Variants in TENM4 observed in about 807,000 individuals in gnomAD.
The protein encoded by TENM4 is teneurin-4.
A neutral mutation model predicts 243.3 loss-of-function variants in TENM4; 82 were observed. That is an observed-to-expected ratio of 0.34 (90% CI 0.28 to 0.40). The LOEUF (loss-of-function observed/expected upper bound fraction) is 0.40, where lower values mean the gene tolerates loss of function less well. TENM4 is among the 10% of genes least tolerant of loss of function. The pLI is 1.00. For synonymous variants in TENM4, 1,412 were observed against 1,456.3 expected, an observed-to-expected ratio of 0.97 and a Z score of 0.69; for missense variants, 3,138 against 3,673.3, an observed-to-expected ratio of 0.85 and a Z score of 3.77.
chr11:78,704,157 G>GTGTATA lies in TENM4; in HGVS notation c.4210-1755_4210-1754insTATACA, dbSNP rs1201390547. Among the ~76,000 whole-genome samples, 20 of 70,514 alleles carry GTGTATA rather than the reference G, an allele frequency of 2.8e-4. 1 individual carries two copies. The highest frequency in any genetic ancestry group is 1.2e-3 in the African/African-American group (20 of 16,678). 46.3% of individuals were successfully genotyped at this position (70,514 alleles called of 152,430 possible). ...TGTATGTCTATGTGTATGTATGTGT[G>GTGTATA]TCTATATATATATATATATATATAT... On this transcript the variant is annotated intron_variant, in intron 27 of 33. Transcript: ENST00000278550.
intron 31 of TENM4, among the ~76,000 whole-genome samples, chr11:78,671,272 G>A (rs1400873421): frequency 7.7e-6 from 1 of 130,124 alleles, no homozygotes; most frequent in African/African-American, 3.3e-5. Context: ...CAGTATGTTG[G>A]ATGACCTCCA....
At chr11:79,102,200 T>C (rs550006841) in intron 4 of TENM4, among the ~76,000 whole-genome samples, 2 of 152,242 alleles carry the variant, frequency 1.3e-5, no homozygotes, top group Non-Finnish European at 2.9e-5. Context: ...CAGTTATCAA[T>C]GTTAGTACAA....
In TENM4 at chr11:78,674,022, CAAT is replaced by C. The variant is rs537827955; in HGVS notation, c.5497-1696_5497-1694del. ...GAAGATACAGGGGCTGTGCCACCAACAATGACAGAGGCCTTTTTAAAGTATCTT... is the reference window on the plus strand; with the variant it reads ...GAAGATACAGGGGCTGTGCCACCAACGACAGAGGCCTTTTTAAAGTATCTT... On this transcript the variant is annotated intron_variant, in intron 30 of 33. Transcript: ENST00000278550. Among the ~76,000 whole-genome samples the C allele has an allele frequency of 7.4e-3, 1,120 of 152,314 alleles. 31 individuals carry two copies. Among genetic ancestry groups the C allele is most frequent in the Non-Finnish European group, 9.4e-3 (642 of 68,026 alleles).
At chr11:79,373,318 CTGGCTGGCTGGCTGGA>C (rs201189270) in intron 1 of TENM4, among the ~76,000 whole-genome samples, 18,449 of 146,576 alleles carry the variant, frequency 0.13, 1,184 homozygotes, top group Non-Finnish European at 0.15. Flanking sequence ...GGCTGGCTGG[CTGGCTGGCTGGCTGGA>C]TGGATGGATG....
chr11:79,212,913 A>G (rs1293360525), intron 3 of TENM4, among the ~76,000 whole-genome samples: 4 of 152,146 alleles, frequency 2.6e-5, no homozygotes, highest in African/African-American at 9.7e-5. Context: ...CAGAGGAGGA[A>G]AGGGGCCTCT....
intron 6 of TENM4, among the ~76,000 whole-genome samples, chr11:79,061,408 C>T (rs1860082437): frequency 1.3e-5 from 2 of 152,166 alleles, no homozygotes; most frequent in African/African-American, 4.8e-5. Flanking sequence ...CACCCGTCTA[C>T]CCTGAGTACA....
Position 78,886,676 on chromosome 11 carries a change from G to A in TENM4, c.1084+3109C>T, listed in dbSNP as rs116535094. ...GGAATCCAGGGCTGTCATGGTAGGTGTAAGCTCTTCCCCAACACCTTGCTG... is the reference window on the plus strand; with the variant it reads ...GGAATCCAGGGCTGTCATGGTAGGTATAAGCTCTTCCCCAACACCTTGCTG... On this transcript the variant is annotated intron_variant, in intron 9 of 33. Coordinates refer to ENST00000278550, the MANE Select transcript of TENM4 (RefSeq NM_001098816.3). Among the ~76,000 whole-genome samples the A allele has an allele frequency of 3.9e-3, 596 of 152,320 alleles. 4 individuals are homozygous for A. The highest frequency in any genetic ancestry group is 0.014 in the African/African-American group (579 of 41,566).
intron 2 of TENM4, among the ~76,000 whole-genome samples, chr11:79,286,538 G>A (rs1205154394): frequency 2.6e-5 from 4 of 151,344 alleles, no homozygotes; most frequent in Non-Finnish European, 2.9e-5. Flanking sequence ...GTGTGGTGGT[G>A]GACACCTGTA....
intron 28 of TENM4, among the ~76,000 whole-genome samples, chr11:78,691,527 C>G (rs958548229): frequency 6.6e-6 from 1 of 152,182 alleles, no homozygotes; most frequent in East Asian, 1.9e-4. Context: ...AAAAACAACT[C>G]TTACTAAATA....
chr11:78,978,312 C>T (rs1430182934), intron 6 of TENM4, among the ~76,000 whole-genome samples: 1 of 150,840 alleles, frequency 6.6e-6, no homozygotes, highest in East Asian at 2.0e-4. Context: ...TGTAACAAAC[C>T]TGCACGTTCT....
At chr11:79,188,492 G>A (rs548809605) in intron 3 of TENM4, among the ~76,000 whole-genome samples, 61 of 151,916 alleles carry the variant, frequency 4.0e-4, no homozygotes, top group Middle Eastern at 6.8e-3. Flanking sequence ...AGATGATGGA[G>A]GTGAGGAAAA....
At chr11:78,769,285 A>T (rs548668174) in intron 18 of TENM4, among the ~76,000 whole-genome samples, 1 of 152,214 alleles carries the variant, frequency 6.6e-6, no homozygotes, top group African/African-American at 2.4e-5. Context: ...GTCTGAAGAC[A>T]TGGGTGCTTA....
intron 6 of TENM4, among the ~76,000 whole-genome samples, chr11:78,998,456 C>T (rs1030115063): frequency 6.6e-6 from 1 of 152,140 alleles, no homozygotes; most frequent in Non-Finnish European, 1.5e-5. Flanking sequence ...ATCATCTCTT[C>T]TCAAAAGGAA....
intron 6 of TENM4, among the ~76,000 whole-genome samples, chr11:79,013,372 CAGAATTAATCCCCTT>C (rs1253186257): frequency 6.6e-6 from 1 of 152,206 alleles, no homozygotes; most frequent in African/African-American, 2.4e-5. Context: ...CTCTCCCAGG[CAGAATTAATCCCCTT>C]AAGTCTTTCT....
intron 15 of TENM4, among the ~76,000 whole-genome samples, chr11:78,787,586 G>A (rs58791173): frequency 0.01 from 1,525 of 152,274 alleles, 33 homozygotes; most frequent in African/African-American, 0.035. Flanking sequence ...ATTTCATGAC[G>A]GCCTGGACTC....
chr11:79,306,806 T>C (rs1449829576), intron 1 of TENM4, among the ~76,000 whole-genome samples: 1 of 152,118 alleles, frequency 6.6e-6, no homozygotes, highest in African/African-American at 2.4e-5. Context: ...GAAATGGAAC[T>C]CAAATTATGC....
chr11:78,718,745 G>C (rs1262246486), intron 25 of TENM4, among the ~76,000 whole-genome samples: 1 of 152,160 alleles, frequency 6.6e-6, no homozygotes, highest in Non-Finnish European at 1.5e-5. Context: ...TCAGATTTCA[G>C]TGTCAGGAAA....
At chr11:78,955,319 G>T (rs1857186092) in intron 6 of TENM4, among the ~76,000 whole-genome samples, 1 of 152,234 alleles carries the variant, frequency 6.6e-6, no homozygotes, top group Non-Finnish European at 1.5e-5. Context: ...ACAAATGTTA[G>T]TTCTACTAAT....
chr11:79,266,847 A>G (rs889850565), intron 2 of TENM4, among the ~76,000 whole-genome samples: 1 of 152,238 alleles, frequency 6.6e-6, no homozygotes, highest in Non-Finnish European at 1.5e-5. Flanking sequence ...ACAAAGGATC[A>G]TTAAGCAGAA....
Sources: gnomAD v4.1 joint callset for allele counts (sites outside exome capture counted in the v4.1 genomes callset) on GRCh38, gnomAD v4.1.1 for gene constraint, MANE v1.5 for transcripts, NCBI Gene and HGNC (gene_info 2026-07-23, HGNC 2026-07-21) for gene names.